The following PARP16 variants were observed in gnomAD, a reference collection of about 807,000 sequenced individuals.
PARP16 encodes the protein protein mono-ADP-ribosyltransferase PARP16.
PARP16 carries 31 observed loss-of-function variants against 35.0 expected under a neutral mutation model. That is an observed-to-expected ratio of 0.88 (90% CI 0.66 to 1.19). The LOEUF is 1.19. PARP16 is among the 50% of genes most tolerant of loss of function. The probability of loss-of-function intolerance (pLI) is 0.00; values close to 1 mark genes in which losing one functional copy is unlikely to be tolerated. For synonymous variants in PARP16, 162 were observed against 169.5 expected, an observed-to-expected ratio of 0.96 and a Z score of 0.34; for missense variants, 424 against 411.2, an observed-to-expected ratio of 1.03 and a Z score of -0.27.
intron 3 of PARP16, among the ~76,000 whole-genome samples, chr15:65,244,417 G>A (rs1254527489): frequency 2.0e-5 from 3 of 152,178 alleles, no homozygotes; most frequent in Non-Finnish European, 4.4e-5. Context: ...GAAGATGAAG[G>A]AAGAGCAAAG....
At chr15:65,240,363 T>TGTGTGTGTGTGTGTGTGTGTGTGTGTG (rs2089035686) in intron 3 of PARP16, among the ~76,000 whole-genome samples, 2 of 142,696 alleles carry the variant, frequency 1.4e-5, no homozygotes, top group African/African-American at 5.3e-5. Context: ...TGTGTGTGTG[T>TGTGTGTGTGTGTGTGTGTGTGTGTGTG]TGGGATTACA....
chr15:65,252,207 A>AG (rs746945399), intron 2 of PARP16, among the ~76,000 whole-genome samples: 1 of 152,172 alleles, frequency 6.6e-6, no homozygotes, highest in African/African-American at 2.4e-5. Flanking sequence ...AGAGTGGGAA[A>AG]GGGAGTTGGT....
intron 1 of PARP16, among the ~76,000 whole-genome samples, chr15:65,285,305 C>T (rs2090556374): frequency 1.3e-5 from 2 of 151,964 alleles, no homozygotes; most frequent in Admixed American, 6.6e-5. Flanking sequence ...GCCCGGCTAA[C>T]TTTTTGTATT....
chr15:65,271,583 T>C (rs2090096766), intron 1 of PARP16, among the ~76,000 whole-genome samples: 1 of 151,940 alleles, frequency 6.6e-6, no homozygotes, highest in Non-Finnish European at 1.5e-5. Flanking sequence ...CCTTGGTGGT[T>C]TGTTTTTTTT....
At position 65,266,779 on chromosome 15, in the gene PARP16, T is replaced by A; in HGVS notation, c.313-11A>T. The A allele has an allele frequency of 6.2e-7, 1 of 1,603,866 alleles. No homozygotes were observed. Among genetic ancestry groups the A allele is most frequent in the Non-Finnish European group, 8.5e-7 (1 of 1,172,074 alleles). Reference sequence around the variant, plus strand: ...TTGGATCTTTTCAAACTTGAAAACATGAAGAGCATCAAAATTTTATTTGGG... The same window carrying A: ...TTGGATCTTTTCAAACTTGAAAACAAGAAGAGCATCAAAATTTTATTTGGG... On this transcript the variant is annotated splice_polypyrimidine_tract_variant and intron_variant, in intron 2 of 5. Coordinates refer to ENST00000649807, the MANE Select transcript of PARP16 (RefSeq NM_001316943.2).
chr15:65,278,530 T>C (rs529972879), intron 1 of PARP16, among the ~76,000 whole-genome samples: 4 of 152,222 alleles, frequency 2.6e-5, no homozygotes, highest in Admixed American at 6.5e-5. Context: ...AGAGGTACTT[T>C]GGGTGAATAG....
chr15:65,246,089 T>G (rs1021906887), intron 3 of PARP16, among the ~76,000 whole-genome samples: 7 of 152,062 alleles, frequency 4.6e-5, no homozygotes, highest in African/African-American at 1.7e-4. Flanking sequence ...CAGCATGACC[T>G]CCAGGCAGAC....
intron 3 of PARP16, among the ~76,000 whole-genome samples, chr15:65,265,246 C>T (rs2089853082): frequency 6.6e-6 from 1 of 152,258 alleles, no homozygotes; most frequent in African/African-American, 2.4e-5. Context: ...ACCCTAGATG[C>T]CCCTCCATCA....
chr15:65,286,095 C>G (rs566666533), intron 1 of PARP16, among the ~76,000 whole-genome samples, 158 bp downstream of exon 1: 1 of 152,270 alleles, frequency 6.6e-6, no homozygotes, highest in South Asian at 2.1e-4. Flanking sequence ...GTTCTTAGCT[C>G]ATGGAAACCT....
chr15:65,240,322 TAGTGTGTGTGTG>T (rs2089029994), intron 3 of PARP16, among the ~76,000 whole-genome samples: 3 of 45,986 alleles, frequency 6.5e-5, no homozygotes, highest in Admixed American at 2.4e-4. Flanking sequence ...TGGGGGGGGC[TAGTGTGTGTGTG>T]TGTGTGTGTG....
In PARP16 at chr15:65,271,006, G is replaced by C. The variant is rs146581565; in HGVS notation, c.241C>G (p.Arg81Gly). 2 of 1,613,866 alleles carry C rather than the reference G, an allele frequency of 1.2e-6. No homozygotes were observed. The highest frequency in any genetic ancestry group is 1.3e-5 in the African/African-American group (1 of 74,896). The change falls in exon 2 of 6, where the codon CGG (arginine) becomes GGG (glycine). Residue 81 changes from arginine to glycine, a missense_variant. Arg to Gly is a moderately radical substitution (Grantham distance 125). Coordinates refer to ENST00000649807, the MANE Select transcript of PARP16 (RefSeq NM_001316943.2). The part of the protein sequence containing the change: ...LLQSSGDNHK[R>G]AWDLVSWILS... ...ATCCAGCTCACCAGGTCCCAGGCCCGTTTGTGGTTGTCTCCGGAGGACTGG... is the reference window on the plus strand; with the variant it reads ...ATCCAGCTCACCAGGTCCCAGGCCCCTTTGTGGTTGTCTCCGGAGGACTGG...
chr15:65,266,915 CAG>C, intron 2 of PARP16, 147 bp from the exon 3 acceptor site: 1 of 645,942 alleles, frequency 1.5e-6, no homozygotes, highest in East Asian at 2.7e-5. Flanking sequence ...TAAGCAAACT[CAG>C]AGCGTATAGC....
intron 1 of PARP16, among the ~76,000 whole-genome samples, chr15:65,278,206 G>A (rs778586114): frequency 7.2e-5 from 11 of 152,196 alleles, no homozygotes; most frequent in Non-Finnish European, 1.6e-4. Context: ...TTGAACTGGT[G>A]ACTCCGGCCT....
At chr15:65,251,616 ACT>A (rs1157207482) in intron 2 of PARP16, among the ~76,000 whole-genome samples, 2 of 57,892 alleles carry the variant, frequency 3.5e-5, no homozygotes, top group African/African-American at 7.8e-5. Flanking sequence ...CCCCAGCAAA[ACT>A]TATGGTTCAT....
chr15:65,237,398 A>G (rs2088912784), intron 3 of PARP16, among the ~76,000 whole-genome samples: 1 of 152,196 alleles, frequency 6.6e-6, no homozygotes, highest in African/African-American at 2.4e-5. Context: ...AGAACCTGTG[A>G]ATGTAACCAA....
intron 1 of PARP16, among the ~76,000 whole-genome samples, chr15:65,273,612 C>T (rs957278768): frequency 6.6e-6 from 1 of 151,932 alleles, no homozygotes. Flanking sequence ...GGTGCAGTGG[C>T]TCATGCCTGT....
downstream of PARP16, among the ~76,000 whole-genome samples, chr15:65,232,975 C>A (rs1194367955): frequency 6.6e-6 from 1 of 151,856 alleles, no homozygotes; most frequent in African/African-American, 2.4e-5. Context: ...GGCAACAGAG[C>A]AAAACCTTGT....
chr15:65,235,861 G>GT (rs752611247), intron 3 of PARP16, among the ~76,000 whole-genome samples: 2,186 of 121,978 alleles, frequency 0.018, 56 homozygotes, highest in African/African-American at 0.038. Context: ...TGCAGATATG[G>GT]TTTTTTTTTT....
chr15:65,259,473 C>T lies in PARP16; in HGVS notation c.903G>A (p.Leu301=). ...AGTTGATGACACTCACTATGAGCAG[C>T]AGCAGCAGATACAGGGATATCATGA... is the stretch of plus-strand genomic sequence containing the variant. ...FTVMISLYLL[L]LLIVSVINSS... is the part of the protein sequence containing the mutation. Residue 301 remains leucine, a synonymous_variant, in exon 6 of 6, where the codon CTG becomes CTA. Coordinates refer to ENST00000649807, the MANE Select transcript of PARP16 (RefSeq NM_001316943.2). 1 of 1,613,716 alleles carries T rather than the reference C, an allele frequency of 6.2e-7. No homozygotes were observed. The highest frequency in any genetic ancestry group is 8.5e-7 in the Non-Finnish European group (1 of 1,179,596).
Sources: gnomAD v4.1 joint callset for allele counts (sites outside exome capture counted in the v4.1 genomes callset) on GRCh38, gnomAD v4.1.1 for gene constraint, MANE v1.5 for transcripts, NCBI Gene and HGNC (gene_info 2026-07-23, HGNC 2026-07-21) for gene names.